ADAMTSL1: variants seen among roughly 807,000 people sequenced by gnomAD.
The protein encoded by ADAMTSL1 is ADAMTS like 1.
A neutral mutation model predicts 201.8 loss-of-function variants in ADAMTSL1; 126 were observed. The ratio of observed to expected loss-of-function variants is 0.62; its 90% CI spans 0.54 to 0.72. The LOEUF (loss-of-function observed/expected upper bound fraction) is 0.72. Ranked by LOEUF, ADAMTSL1 falls within the 30% of genes least tolerant of loss-of-function variation. ADAMTSL1 has a pLI of 0.00. For synonymous variants in ADAMTSL1, 1,121 were observed against 903.4 expected (o/e 1.24, Z -4.32); for missense variants, 2,679 against 2,277.8 (o/e 1.18, Z -3.59).
chr9:18,814,704 G>A (rs1184326897), intron 20 of ADAMTSL1, among the ~76,000 whole-genome samples: 1 of 152,066 alleles, frequency 6.6e-6, no homozygotes, highest in Non-Finnish European at 1.5e-5. Context: ...GGACACAGAG[G>A]GAAACAACAG....
At chr9:17,975,247 T>G (rs1307321028) in intron 1 of ADAMTSL1, among the ~76,000 whole-genome samples, 21 of 152,064 alleles carry the variant, frequency 1.4e-4, no homozygotes, top group Admixed American at 1.4e-3. Flanking sequence ...TATGAGTTCT[T>G]TACATGTTTT....
chr9:18,802,097 G>A (rs1386517942), intron 20 of ADAMTSL1, among the ~76,000 whole-genome samples: 1 of 152,092 alleles, frequency 6.6e-6, no homozygotes, highest in Non-Finnish European at 1.5e-5. Context: ...GGGCAACAGA[G>A]AGAAATCCCA....
chr9:18,276,805 G>C (rs1832605893), intron 2 of ADAMTSL1, among the ~76,000 whole-genome samples: 1 of 152,148 alleles, frequency 6.6e-6, no homozygotes, highest in African/African-American at 2.4e-5. Context: ...ATTATGGTGA[G>C]AATAGCACCA....
Position 18,489,715 on chromosome 9 carries a change from A to C in ADAMTSL1, c.64-15114A>C, listed in dbSNP as rs186868605. On this transcript the variant is annotated intron_variant, in intron 1 of 28. Transcript: ENST00000380548. ...TTCTAGATGGCCATTGTGTGAGATT[A>C]AGTATTTGGTCATATTTCCCACTGC... Among the ~76,000 whole-genome samples the C allele has an allele frequency of 3.0e-4, 46 of 152,252 alleles. 1 individual carries two copies. The highest frequency in any genetic ancestry group is 1.1e-3 in the African/African-American group (44 of 41,550).
chr9:18,825,632 A>G (rs1824498803), intron 21 of ADAMTSL1, among the ~76,000 whole-genome samples: 5 of 152,182 alleles, frequency 3.3e-5, no homozygotes, highest in Admixed American at 3.3e-4. Context: ...AAAGGTACCA[A>G]GTGAACACTC....
upstream of ADAMTSL1, among the ~76,000 whole-genome samples, chr9:18,469,644 C>T (rs374783188): frequency 1.3e-5 from 2 of 152,212 alleles, no homozygotes; most frequent in Non-Finnish European, 2.9e-5. Flanking sequence ...GCCATGCCCA[C>T]CTTCCCTGAT....
At chr9:17,907,272 G>C (rs1825754648) in intron 1 of ADAMTSL1, among the ~76,000 whole-genome samples, 1 of 152,110 alleles carries the variant, frequency 6.6e-6, no homozygotes, top group Non-Finnish European at 1.5e-5. Flanking sequence ...CACCCTTTCC[G>C]ACAGTCCTTC....
chr9:18,711,064 CAG>C (rs1426819666), intron 14 of ADAMTSL1, among the ~76,000 whole-genome samples: 4 of 152,116 alleles, frequency 2.6e-5, no homozygotes, highest in African/African-American at 9.7e-5. Flanking sequence ...AAGCAATTCA[CAG>C]TGATGATCTA....
intron 1 of ADAMTSL1, among the ~76,000 whole-genome samples, chr9:17,940,994 T>C (rs945181524): frequency 6.6e-6 from 1 of 151,988 alleles, no homozygotes; most frequent in East Asian, 1.9e-4. Context: ...CATGAACATC[T>C]CTTCTGCAGC....
At chr9:18,498,549 G>A (rs1822655904) in intron 1 of ADAMTSL1, among the ~76,000 whole-genome samples, 1 of 152,024 alleles carries the variant, frequency 6.6e-6, no homozygotes, top group Non-Finnish European at 1.5e-5. Context: ...TGTTGGTCAG[G>A]CTGGTCTCAA....
intron 9 of ADAMTSL1, among the ~76,000 whole-genome samples, chr9:18,662,322 C>A (rs571356973): frequency 6.6e-6 from 1 of 152,192 alleles, no homozygotes; most frequent in African/African-American, 2.4e-5. Flanking sequence ...TCTTCAGAGT[C>A]ATTTTCTCTT....
At chr9:18,221,349 T>C (rs187078762) in intron 2 of ADAMTSL1, among the ~76,000 whole-genome samples, 1 of 152,348 alleles carries the variant, frequency 6.6e-6, no homozygotes, top group African/African-American at 2.4e-5. Context: ...TCTTTAATTC[T>C]GAAGAATACT....
intron 1 of ADAMTSL1, among the ~76,000 whole-genome samples, chr9:18,488,001 A>G (rs561242409): frequency 6.6e-6 from 1 of 152,238 alleles, no homozygotes; most frequent in Non-Finnish European, 1.5e-5. Flanking sequence ...GTAATGGCAT[A>G]TAAAATAGGA....
rs1563910231 is a variant in ADAMTSL1 at position 18,907,006 on chromosome 9, G to A, written c.5182+94G>A. On this transcript the variant is annotated intron_variant, in intron 28 of 28. Coordinates refer to ENST00000380548, the MANE Select transcript of ADAMTSL1 (RefSeq NM_001040272.6). The stretch of plus-strand genomic sequence containing the variant: ...GGGACCGACCCTGAGCATAGGGCAT[G>A]GGGTCAGCTTCCCCAGGGATTGTGA... The A allele has an allele frequency of 2.8e-6, 4 of 1,412,974 alleles. No individual in the cohort carries two copies. The Admixed American group carries it at 5.8e-5, about 20-fold the overall frequency. The allele number at this position is 1,412,974 out of a possible 1,614,324, so 87.5% of individuals were successfully genotyped here.
intron 9 of ADAMTSL1, among the ~76,000 whole-genome samples, chr9:18,663,320 T>C (rs1419843784): frequency 6.6e-6 from 1 of 152,168 alleles, no homozygotes; most frequent in Non-Finnish European, 1.5e-5. Flanking sequence ...ATAGATATTT[T>C]ATAATTGTAA....
intron 7 of ADAMTSL1, among the ~76,000 whole-genome samples, chr9:18,654,969 C>T (rs1413308427): frequency 6.6e-6 from 1 of 152,232 alleles, no homozygotes; most frequent in Non-Finnish European, 1.5e-5. Context: ...GCCTCCCTGT[C>T]CTCATGAGAG....
intron 2 of ADAMTSL1, among the ~76,000 whole-genome samples, chr9:18,414,596 A>G (rs779950181): frequency 2.0e-5 from 3 of 152,202 alleles, no homozygotes; most frequent in African/African-American, 7.2e-5. Flanking sequence ...CAATTGCTCT[A>G]ACTTACTTCC....
At chr9:18,306,453 G>C (rs1293314416) in intron 2 of ADAMTSL1, among the ~76,000 whole-genome samples, 3 of 152,162 alleles carry the variant, frequency 2.0e-5, no homozygotes. Flanking sequence ...TTGAAAAAAG[G>C]TTAGAGAAAT....
chr9:18,166,078 A>G lies in ADAMTSL1; in HGVS notation c.207+2097A>G, dbSNP rs1055117943. ...AAAGCAAGTCAGTGAGAGATGAAAAAGGTTGAGCAGCATACTCTGTTTGTA... is the reference window on the plus strand; with the variant it reads ...AAAGCAAGTCAGTGAGAGATGAAAAGGGTTGAGCAGCATACTCTGTTTGTA... On this transcript the variant is annotated intron_variant, in intron 2 of 29. Transcript: ENST00000680146. Among the ~76,000 whole-genome samples the G allele has an allele frequency of 7.9e-5, 12 of 152,042 alleles. No individual in the cohort carries two copies. The East Asian group carries it at 1.4e-3, about 17-fold the overall frequency.
Sources: gnomAD v4.1 joint callset for allele counts (sites outside exome capture counted in the v4.1 genomes callset) on GRCh38, gnomAD v4.1.1 for gene constraint, MANE v1.5 for transcripts, NCBI Gene and HGNC (gene_info 2026-07-23, HGNC 2026-07-21) for gene names.